Variants in SLIT2 observed in about 807,000 individuals in gnomAD.
SLIT2 encodes the protein slit homolog 2 protein.
SLIT2 carries 41 observed loss-of-function variants against 185.7 expected under a neutral mutation model. That is an observed-to-expected ratio of 0.22 (90% confidence interval 0.17 to 0.29). The LOEUF is 0.29. Among genes scored for constraint, SLIT2 ranks in the 10% least tolerant of loss-of-function variants. The probability of loss-of-function intolerance (pLI) is 1.00; values close to 1 mark genes in which losing one functional copy is unlikely to be tolerated. For missense variants in SLIT2, 1,571 were observed against 1,909.0 expected (o/e 0.82, Z 3.30); for synonymous variants, 693 against 680.2 (o/e 1.02, Z -0.29).
chr4:20,413,904 T>C lies in SLIT2; in HGVS notation c.396-53848T>C, dbSNP rs780479581. Among the ~76,000 whole-genome samples, 16 of 152,228 alleles carry C rather than the reference T, an allele frequency of 1.1e-4. No homozygotes were observed. In the East Asian group the frequency reaches 2.9e-3, roughly 28 times the overall value. On this transcript the variant is annotated intron_variant, in intron 4 of 36. Coordinates refer to ENST00000504154, the MANE Select transcript of SLIT2 (RefSeq NM_004787.4). ...CCTTTTGATTTCATTATTTAATTCA[T>C]GTACTTTACTTAGTAAAGTAATATT...
intron 4 of SLIT2, among the ~76,000 whole-genome samples, chr4:20,427,204 C>A (rs1322460104): frequency 6.6e-6 from 1 of 152,146 alleles, no homozygotes; most frequent in Non-Finnish European, 1.5e-5. Flanking sequence ...GAACCAATAG[C>A]TTTTAGTTTT....
At chr4:20,448,070 A>G (rs1008212408) in intron 4 of SLIT2, among the ~76,000 whole-genome samples, 1 of 152,228 alleles carries the variant, frequency 6.6e-6, no homozygotes, top group Non-Finnish European at 1.5e-5. Context: ...TTGGAGCTCA[A>G]AAAGTCCATG....
intron 26 of SLIT2, among the ~76,000 whole-genome samples, chr4:20,565,289 T>G (rs535710514): frequency 6.6e-6 from 1 of 152,094 alleles, no homozygotes; most frequent in African/African-American, 2.4e-5. Flanking sequence ...ATTTGCTGAC[T>G]TGCTGTTTTG....
At chr4:20,294,887 G>T (rs187576281) in intron 4 of SLIT2, among the ~76,000 whole-genome samples, 1 of 152,200 alleles carries the variant, frequency 6.6e-6, no homozygotes, top group Admixed American at 6.5e-5. Context: ...GGTATTAAAA[G>T]GTCTGAATGG....
intron 4 of SLIT2, among the ~76,000 whole-genome samples, chr4:20,272,060 C>T (rs1000321640): frequency 7.2e-5 from 11 of 151,976 alleles, no homozygotes; most frequent in Non-Finnish European, 1.3e-4. Context: ...GATGTTTGCT[C>T]AGAAATAGTA....
chr4:20,415,610 GT>G (rs1448065086), intron 4 of SLIT2, among the ~76,000 whole-genome samples: 1 of 151,830 alleles, frequency 6.6e-6, no homozygotes, highest in African/African-American at 2.4e-5. Context: ...TTATTAATGG[GT>G]TAAGATCCAT....
intron 4 of SLIT2, among the ~76,000 whole-genome samples, chr4:20,362,914 A>G (rs1464007562): frequency 1.3e-5 from 2 of 150,470 alleles, no homozygotes; most frequent in South Asian, 2.1e-4. Context: ...TTTATTTTCC[A>G]AGAGGAATGA....
intron 9 of SLIT2, among the ~76,000 whole-genome samples, chr4:20,500,203 C>T (rs914851987): frequency 2.0e-5 from 3 of 152,072 alleles, no homozygotes; most frequent in Non-Finnish European, 2.9e-5. Context: ...TTCACTTTGA[C>T]AGAACTTTAT....
intron 4 of SLIT2, among the ~76,000 whole-genome samples, chr4:20,286,734 A>G (rs7674451): frequency 0.61 from 92,930 of 152,018 alleles, 28,725 homozygotes; most frequent in East Asian, 0.86. Context: ...CCTGGGAGGC[A>G]AAGGTTGCAG....
Position 20,491,741 on chromosome 4 carries a change from C to G in SLIT2, c.776-20C>G. 1 of 1,600,908 alleles carries G rather than the reference C, an allele frequency of 6.2e-7. No individual in the cohort carries two copies. On this transcript the variant is annotated intron_variant, in intron 8 of 36. Coordinates refer to ENST00000504154, the MANE Select transcript of SLIT2 (RefSeq NM_004787.4). Reference sequence around the variant, plus strand: ...GATATTCAGGAGGAAAAATATAATTCCTGTTTATTTCTTTTTTAGGTCACC... The same window carrying G: ...GATATTCAGGAGGAAAAATATAATTGCTGTTTATTTCTTTTTTAGGTCACC...
chr4:20,470,411 A>T (rs994522410), intron 5 of SLIT2, among the ~76,000 whole-genome samples: 5 of 152,006 alleles, frequency 3.3e-5, no homozygotes, highest in Non-Finnish European at 5.9e-5. Flanking sequence ...GGTGCTGAGG[A>T]AACAGAAAAG....
intron 4 of SLIT2, among the ~76,000 whole-genome samples, chr4:20,340,126 G>A (rs530342788): frequency 1.2e-4 from 18 of 152,164 alleles, no homozygotes; most frequent in Admixed American, 3.9e-4. Context: ...AACGTAGTAG[G>A]TGTATATTTT....
chr4:20,603,476 T>G (rs2148969013), intron 33 of SLIT2, among the ~76,000 whole-genome samples: 1 of 152,362 alleles, frequency 6.6e-6, no homozygotes, highest in African/African-American at 2.4e-5. Context: ...TCAAGTAGGC[T>G]AATAATCTGC....
chr4:20,475,392 G>A (rs762131818), intron 5 of SLIT2, among the ~76,000 whole-genome samples: 31 of 148,130 alleles, frequency 2.1e-4, no homozygotes, highest in Non-Finnish European at 4.2e-4. Context: ...ATTCTATAGT[G>A]CTTTTCATCT....
chr4:20,396,982 A>T (rs1050589821), intron 4 of SLIT2, among the ~76,000 whole-genome samples: 1 of 151,338 alleles, frequency 6.6e-6, no homozygotes, highest in Non-Finnish European at 1.5e-5. Context: ...ATATTAAATG[A>T]TTAATTTACG....
chr4:20,387,195 T>C (rs1227296726), intron 4 of SLIT2, among the ~76,000 whole-genome samples: 1 of 152,152 alleles, frequency 6.6e-6, no homozygotes, highest in Non-Finnish European at 1.5e-5. Context: ...TTAACCTTTA[T>C]TGTTGTTCTC....
intron 3 of SLIT2, among the ~76,000 whole-genome samples, chr4:20,265,244 G>A (rs1346786554): frequency 6.6e-6 from 1 of 151,848 alleles, no homozygotes; most frequent in Non-Finnish European, 1.5e-5. Context: ...TTTAAAATAA[G>A]TTTAAATTTT....
intron 6 of SLIT2, among the ~76,000 whole-genome samples, chr4:20,485,918 A>C (rs992746079): frequency 2.0e-5 from 3 of 152,234 alleles, no homozygotes; most frequent in Non-Finnish European, 2.9e-5. Context: ...CTAAATAGAC[A>C]TGCATGCACA....
chr4:20,381,293 A>G (rs1724489371), intron 4 of SLIT2, among the ~76,000 whole-genome samples: 1 of 152,034 alleles, frequency 6.6e-6, no homozygotes, highest in Non-Finnish European at 1.5e-5. Flanking sequence ...AAAACCAGTG[A>G]TGAAGAGAAT....
Sources: allele counts gnomAD v4.1 joint callset (sites outside exome capture counted in the v4.1 genomes callset), GRCh38; gene constraint gnomAD v4.1.1; transcripts MANE v1.5; gene names NCBI Gene and HGNC (gene_info 2026-07-23, HGNC 2026-07-21).